The following HPCAL1 variants were observed in gnomAD, a reference collection of about 807,000 sequenced individuals.
HPCAL1 encodes hippocalcin-like protein 1.
In HPCAL1, 8 loss-of-function variants were observed where a neutral mutation model predicts 17.1. The ratio of observed to expected loss-of-function variants is 0.47; its 90% confidence interval spans 0.27 to 0.84. HPCAL1 has a LOEUF of 0.84. Ranked by LOEUF, HPCAL1 falls within the 40% of genes least tolerant of loss-of-function variation. HPCAL1 has a pLI of 0.13. For synonymous variants in HPCAL1, 112 were observed against 111.4 expected, an observed-to-expected ratio of 1.01 and a Z score of -0.03; for missense variants, 165 against 271.1, an observed-to-expected ratio of 0.61 and a Z score of 2.75.
intron 1 of HPCAL1, among the ~76,000 whole-genome samples, chr2:10,317,589 T>C (rs1663399744): frequency 6.6e-6 from 1 of 152,150 alleles, no homozygotes; most frequent in Admixed American, 6.5e-5. Flanking sequence ...GGCTAATTTT[T>C]GTATTTTTAG....
At chr2:10,349,956 C>A (rs1259155626) in intron 1 of HPCAL1, among the ~76,000 whole-genome samples, 1 of 152,046 alleles carries the variant, frequency 6.6e-6, no homozygotes, top group Non-Finnish European at 1.5e-5. Flanking sequence ...TAGGAACTAG[C>A]ACCAAATCCT....
intron 1 of HPCAL1, among the ~76,000 whole-genome samples, chr2:10,318,291 A>G (rs578178851): frequency 1.3e-5 from 2 of 150,990 alleles, no homozygotes; most frequent in Non-Finnish European, 3.0e-5. Context: ...TGGGTATCCT[A>G]CTCCTCCACC....
At chr2:10,366,503 T>C (rs570342838) in intron 1 of HPCAL1, among the ~76,000 whole-genome samples, 13 of 152,314 alleles carry the variant, frequency 8.5e-5, no homozygotes, top group Non-Finnish European at 1.8e-4. Flanking sequence ...CCCAAAGTGC[T>C]GAGATTACAG....
chr2:10,418,216 A>G (rs1218705921), intron 2 of HPCAL1, among the ~76,000 whole-genome samples: 1 of 152,056 alleles, frequency 6.6e-6, no homozygotes, highest in African/African-American at 2.4e-5. Flanking sequence ...CAGGAGTTTG[A>G]GACCAACCTG....
chr2:10,334,554 G>A (rs933220125), intron 1 of HPCAL1, among the ~76,000 whole-genome samples: 1 of 142,930 alleles, frequency 7.0e-6, no homozygotes, highest in Non-Finnish European at 1.5e-5. Context: ...ACTCATAAAT[G>A]GTATATATAT....
chr2:10,411,698 C>T (rs1037628346), intron 2 of HPCAL1, among the ~76,000 whole-genome samples: 2 of 152,314 alleles, frequency 1.3e-5, no homozygotes, highest in Admixed American at 6.5e-5. Flanking sequence ...CTCAGAGGGC[C>T]CGACAGCCTG....
intron 2 of HPCAL1, among the ~76,000 whole-genome samples, chr2:10,397,176 G>C (rs1400646814): frequency 6.6e-6 from 1 of 152,126 alleles, no homozygotes; most frequent in Non-Finnish European, 1.5e-5. Flanking sequence ...AAGCTGGCCA[G>C]GTCTTTCTGG....
chr2:10,404,233 G>A (rs1669830261), intron 2 of HPCAL1, among the ~76,000 whole-genome samples: 1 of 152,100 alleles, frequency 6.6e-6, no homozygotes, highest in African/African-American at 2.4e-5. Context: ...GGGACTGGAA[G>A]GAGCTCCCAC....
At chr2:10,316,500 T>C (rs1224574387) in intron 1 of HPCAL1, among the ~76,000 whole-genome samples, 1 of 152,190 alleles carries the variant, frequency 6.6e-6, no homozygotes, top group East Asian at 1.9e-4. Context: ...ACCTCAGCCC[T>C]TGTGAGGGCC....
chr2:10,317,825 G>C (rs1292796915), intron 1 of HPCAL1, among the ~76,000 whole-genome samples: 1 of 152,240 alleles, frequency 6.6e-6, no homozygotes, highest in African/African-American at 2.4e-5. Flanking sequence ...TATTAGGGTT[G>C]TGATCCTAGA....
chr2:10,420,091 G>T lies in HPCAL1; in HGVS notation c.334G>T (p.Gly112Cys). 6.2e-7 allele frequency: 1 copy of T among 1,613,444 alleles called. No individual in the cohort carries two copies. The highest frequency in any genetic ancestry group is 1.7e-5 in the Admixed American group (1 of 60,000). ...GGCCTTCAGCATGTACGACCTGGAC[G>T]GCAACGGCTACATCAGCCGCAGCGA... ...KWAFSMYDLD[G>C]NGYISRSEML... The change falls in exon 3 of 5, where the codon GGC becomes TGC. Residue 112 changes from glycine to cysteine, a missense_variant. Gly to Cys is a radical substitution (Grantham distance 159). Transcript: ENST00000307845.
intron 1 of HPCAL1, among the ~76,000 whole-genome samples, chr2:10,349,447 C>G (rs1184731607): frequency 6.6e-6 from 1 of 151,696 alleles, no homozygotes; most frequent in African/African-American, 2.4e-5. Flanking sequence ...GTGGCTCACA[C>G]CTGTAATCGC....
In HPCAL1 at chr2:10,379,208, C is replaced by T. The variant is rs551783932; in HGVS notation, c.-110-17627C>T. Among the ~76,000 whole-genome samples, 8 of 151,848 alleles carry T rather than the reference C, an allele frequency of 5.3e-5. No individual in the cohort carries two copies. The South Asian group carries it at 6.2e-4, about 12-fold the overall frequency. On this transcript the variant is annotated intron_variant, in intron 1 of 4. Coordinates refer to ENST00000307845, the MANE Select transcript of HPCAL1 (RefSeq NM_002149.4). ...GTCCACCTGGGCCAGTGCGTGATTC[C>T]GAAGACTACATTTGAAGTCCAGCCT...
chr2:10,337,899 G>A (rs963470564), intron 1 of HPCAL1, among the ~76,000 whole-genome samples: 4 of 152,176 alleles, frequency 2.6e-5, no homozygotes, highest in African/African-American at 9.7e-5. Context: ...TCTGAGGATG[G>A]GTCGGCCATG....
intron 1 of HPCAL1, among the ~76,000 whole-genome samples, chr2:10,312,256 C>T (rs1246020606): frequency 6.7e-6 from 1 of 148,504 alleles, no homozygotes; most frequent in Non-Finnish European, 1.5e-5. Context: ...CTATCATTAC[C>T]ATCACCATCA....
chr2:10,338,573 C>T (rs1386816299), intron 1 of HPCAL1, among the ~76,000 whole-genome samples: 2 of 152,108 alleles, frequency 1.3e-5, no homozygotes, highest in Admixed American at 1.3e-4. Flanking sequence ...ATTGTTCAGC[C>T]ACCTACTCTG....
intron 1 of HPCAL1, among the ~76,000 whole-genome samples, chr2:10,322,335 AG>A (rs1663719120): frequency 6.6e-6 from 1 of 152,186 alleles, no homozygotes; most frequent in African/African-American, 2.4e-5. Context: ...AGTTTTAAAT[AG>A]GGTGGTCAGA....
intron 1 of HPCAL1, among the ~76,000 whole-genome samples, chr2:10,318,103 G>C (rs1458808557): frequency 1.3e-5 from 2 of 152,076 alleles, no homozygotes; most frequent in African/African-American, 4.8e-5. Flanking sequence ...GCATATTCTT[G>C]GGTCTCTCCC....
At chr2:10,317,764 G>T (rs1160082959) in intron 1 of HPCAL1, among the ~76,000 whole-genome samples, 1 of 152,210 alleles carries the variant, frequency 6.6e-6, no homozygotes, top group Admixed American at 6.5e-5. Context: ...CTGGGCACTG[G>T]GGATGCAAGA....
Sources: allele counts gnomAD v4.1 joint callset (sites outside exome capture counted in the v4.1 genomes callset), GRCh38; gene constraint gnomAD v4.1.1; transcripts MANE v1.5; gene names NCBI Gene and HGNC (gene_info 2026-07-23, HGNC 2026-07-21).